The following RHOBTB2 variants were observed in gnomAD, a reference collection of about 807,000 sequenced individuals.
RHOBTB2 encodes the protein rho-related BTB domain-containing protein 2.
RHOBTB2 carries 39 observed loss-of-function variants against 66.5 expected under a neutral mutation model. That is an observed-to-expected ratio of 0.59 (90% confidence interval 0.45 to 0.77). The LOEUF (loss-of-function observed/expected upper bound fraction) is 0.77. Ranked by LOEUF, RHOBTB2 falls within the 30% of genes least tolerant of loss-of-function variation. The probability of loss-of-function intolerance (pLI) is 0.00; values close to 1 mark genes in which losing one functional copy is unlikely to be tolerated. For missense variants in RHOBTB2, 755 were observed against 999.1 expected (o/e 0.76, Z 3.29); for synonymous variants, 390 against 395.0 (o/e 0.99, Z 0.15).
chr8:22,954,833 G>A, the RHOBTB2 span, among the ~76,000 whole-genome samples: 9 of 152,098 alleles, frequency 5.9e-5, no homozygotes, highest in Non-Finnish European at 1.0e-4. Flanking sequence ...CTTTTCTTTC[G>A]TCAAGATGCC....
intron 7 of RHOBTB2, 86 bp downstream of exon 7, chr8:23,010,774 T>C (rs1811122599): frequency 4.2e-6 from 6 of 1,436,014 alleles, no homozygotes; most frequent in Non-Finnish European, 5.7e-6. Context: ...ACGTCTCTCC[T>C]GGGGGACAAG....
chr8:23,017,189 T>C lies in RHOBTB2; in HGVS notation c.1967-63T>C. On this transcript the variant is annotated intron_variant, in intron 9 of 9. Coordinates refer to ENST00000251822, the MANE Select transcript of RHOBTB2 (RefSeq NM_015178.3). The surrounding 1 kb of genome is among the most constrained non-coding windows in gnomAD (Gnocchi z 5.3). ...AGGCCTTGTGGTGGGGTAGGGCTGG[T>C]GTCCCACGTTCCTCTTGTCCCTCTG... 1 of 1,592,776 alleles carries C rather than the reference T, an allele frequency of 6.3e-7. No homozygotes were observed. The highest frequency in any genetic ancestry group is 1.2e-5 in the South Asian group (1 of 86,920).
intron 7 of RHOBTB2, 85 bp downstream of exon 7, chr8:23,010,773 C>G (rs139671388): frequency 6.9e-7 from 1 of 1,439,050 alleles, no homozygotes; most frequent in Non-Finnish European, 9.6e-7. Context: ...CACGTCTCTC[C>G]TGGGGGACAA....
the RHOBTB2 span, among the ~76,000 whole-genome samples, chr8:22,974,286 C>G: frequency 1.3e-5 from 2 of 152,246 alleles, no homozygotes; most frequent in African/African-American, 2.4e-5. Context: ...CCGTCACCCA[C>G]ACCTCTTCCC....
Position 23,006,418 on chromosome 8 carries a change from T to G in RHOBTB2, c.482+273T>G, listed in dbSNP as rs1487848660. 3 of 554,522 alleles carry G rather than the reference T, an allele frequency of 5.4e-6. No homozygotes were observed. The African/African-American group carries it at 5.6e-5, about 10-fold the overall frequency. 34.4% of individuals were successfully genotyped at this position (554,522 alleles called of 1,614,324 possible). Reference sequence around the variant, plus strand: ...AAAGTCCTATAATTTTGCTGAGGGATAAACTAAATATGTGAGCATGTTAAA... The same window carrying G: ...AAAGTCCTATAATTTTGCTGAGGGAGAAACTAAATATGTGAGCATGTTAAA... On this transcript the variant is annotated intron_variant, in intron 4 of 9. Coordinates refer to ENST00000251822, the MANE Select transcript of RHOBTB2 (RefSeq NM_015178.3). This position sits in a 1 kb window ranked among gnomAD's most constrained non-coding sequence, Gnocchi z 6.1.
chr8:22,990,614 A>G (rs1340766847), intron 1 of RHOBTB2, among the ~76,000 whole-genome samples: 3 of 152,136 alleles, frequency 2.0e-5, no homozygotes, highest in Admixed American at 6.5e-5. Flanking sequence ...CAGAAGGAGG[A>G]GGAAGAGGGT....
At position 23,004,805 on chromosome 8, in the gene RHOBTB2, C is replaced by T. The variant is rs536327926; in HGVS notation, c.192+179C>T. 4.6e-4 allele frequency: 287 copies of T among 629,524 alleles called. 2 individuals are homozygous for T. Among genetic ancestry groups the T allele is most frequent in the South Asian group, 1.8e-3 (95 of 51,848 alleles). 39.0% of individuals were successfully genotyped at this position (629,524 alleles called of 1,614,324 possible). On this transcript the variant is annotated intron_variant, in intron 2 of 9. Transcript: ENST00000251822. The surrounding 1 kb of genome is among the most constrained non-coding windows in gnomAD (Gnocchi z 6.4). ...GAGAGAGGTTTAAGCCAAGTCTGCC[C>T]CAGGGAAGTGTCTCTGGCTGGTTGT...
chr8:23,002,138 G>A (rs1810803489), intron 1 of RHOBTB2, among the ~76,000 whole-genome samples: 1 of 152,202 alleles, frequency 6.6e-6, no homozygotes, highest in Admixed American at 6.5e-5. Context: ...CCTACATGCT[G>A]GGAGAATCGG....
upstream of RHOBTB2, chr8:22,995,858 A>G: frequency 6.4e-7 from 1 of 1,551,648 alleles, no homozygotes; most frequent in Non-Finnish European, 8.7e-7. Context: ...GTAGTGTTCC[A>G]GGAGAGGGGT....
At chr8:22,988,151 CCCTTTTTTTTTTT>C (rs1447691382) in intron 1 of RHOBTB2, among the ~76,000 whole-genome samples, 1 of 135,340 alleles carries the variant, frequency 7.4e-6, no homozygotes, top group Non-Finnish European at 1.5e-5. Flanking sequence ...CTGCTCCTTC[CCCTTTTTTTTTTT>C]TTTTTTTTTT....
chr8:22,978,088 C>T, the RHOBTB2 span: 9 of 151,956 alleles, frequency 5.9e-5, no homozygotes, highest in African/African-American at 2.2e-4. Flanking sequence ...TGACTAGCCA[C>T]CACACTCCAG....
At chr8:22,958,969 G>T in the RHOBTB2 span, among the ~76,000 whole-genome samples, 1 of 152,200 alleles carries the variant, frequency 6.6e-6, no homozygotes, top group Non-Finnish European at 1.5e-5. Context: ...AAACATGTGT[G>T]TGGCCTGGAA....
upstream of RHOBTB2, among the ~76,000 whole-genome samples, chr8:22,995,104 A>T (rs546059944): frequency 4.1e-4 from 63 of 152,052 alleles, no homozygotes; most frequent in African/African-American, 1.2e-3. Flanking sequence ...TTTTTTAAAA[A>T]TTTTTTTTAA....
At chr8:22,983,528 G>T (rs914085222), upstream of RHOBTB2, among the ~76,000 whole-genome samples, 1 of 151,716 alleles carries the variant, frequency 6.6e-6, no homozygotes, top group Non-Finnish European at 1.5e-5. Flanking sequence ...AAACTCTGAG[G>T]TTGACAGTTC....
intron 3 of RHOBTB2, 106 bp downstream of exon 3, chr8:23,005,581 T>C: frequency 1.2e-6 from 1 of 812,370 alleles, no homozygotes; most frequent in East Asian, 2.6e-5. Context: ...CAAGAAGAAG[T>C]GGAGAAAACA....
upstream of RHOBTB2, among the ~76,000 whole-genome samples, chr8:22,986,193 T>G (rs529504108): frequency 1.3e-5 from 2 of 151,400 alleles, no homozygotes; most frequent in Non-Finnish European, 2.9e-5. Flanking sequence ...GATGAGGCAC[T>G]TGGTAAGGGG....
At position 23,020,137 on chromosome 8, in the gene RHOBTB2, T is replaced by C. The variant is rs187339527; in HGVS notation, c.*2668T>C. The C allele has an allele frequency of 1.6e-5, 6 of 384,534 alleles. No individual in the cohort carries two copies. The East Asian group carries it at 2.2e-4, about 14-fold the overall frequency. The allele number at this position is 384,534 out of a possible 1,614,324, so 23.8% of individuals were successfully genotyped here. ...GGGAGACAAAAACCACACCTCTTTT[T>C]ATATAAGGTTTCATATTTAATTTGG... On this transcript the variant is annotated 3_prime_UTR_variant, in exon 10 of 10. Coordinates refer to ENST00000251822, the MANE Select transcript of RHOBTB2 (RefSeq NM_015178.3).
At chr8:23,003,240 C>T (rs1037988520) in intron 1 of RHOBTB2, among the ~76,000 whole-genome samples, 32 of 152,356 alleles carry the variant, frequency 2.1e-4, no homozygotes, top group African/African-American at 6.5e-4. Flanking sequence ...GGGTGGATGC[C>T]GAGGCCAGGG....
the RHOBTB2 span, among the ~76,000 whole-genome samples, chr8:22,979,260 T>C: frequency 1.0e-3 from 153 of 152,298 alleles, 2 homozygotes; most frequent in African/African-American, 3.6e-3. Flanking sequence ...TTTTGGTAAA[T>C]AAATAAATCT....
Sources: allele counts gnomAD v4.1 joint callset (sites outside exome capture counted in the v4.1 genomes callset), GRCh38; gene constraint gnomAD v4.1.1; non-coding constraint Gnocchi (gnomAD v3.1); transcripts MANE v1.5; gene names NCBI Gene and HGNC (gene_info 2026-07-23, HGNC 2026-07-21).